Variants in EML1 observed in about 807,000 individuals in gnomAD.
EML1 encodes echinoderm microtubule-associated protein-like 1.
EML1 carries 27 observed loss-of-function variants against 110.4 expected under a neutral mutation model. The ratio of observed to expected loss-of-function variants is 0.24; its 90% CI spans 0.18 to 0.34. EML1 has a LOEUF of 0.34. Ranked by LOEUF, EML1 falls within the 10% of genes least tolerant of loss-of-function variation. The probability of loss-of-function intolerance (pLI) is 1.00; values close to 1 mark genes in which losing one functional copy is unlikely to be tolerated. For missense variants in EML1, 741 were observed against 1,030.9 expected, an observed-to-expected ratio of 0.72 and a Z score of 3.85; for synonymous variants, 344 against 385.8, an observed-to-expected ratio of 0.89 and a Z score of 1.27.
chr14:99,850,797 A>G, intron 1 of EML1, 56 bp from the exon 2 acceptor site: 2 of 1,576,202 alleles, frequency 1.3e-6, no homozygotes, highest in East Asian at 2.3e-5. Flanking sequence ...GAGTATGTTT[A>G]TAGATCTGAT....
At chr14:99,891,392 T>C (rs1182783598) in intron 5 of EML1, among the ~76,000 whole-genome samples, 165 bp downstream of exon 5, 2 of 152,290 alleles carry the variant, frequency 1.3e-5, no homozygotes, top group Middle Eastern at 3.4e-3. Context: ...ATGGCTCAGA[T>C]AGTGACAGCG....
At chr14:99,878,092 A>C (rs1270386470) in intron 3 of EML1, among the ~76,000 whole-genome samples, 3 of 151,998 alleles carry the variant, frequency 2.0e-5, no homozygotes, top group Admixed American at 2.0e-4. Context: ...CGTTAGCATT[A>C]GTATATTTTA....
At chr14:99,806,168 C>CTTT (rs1398319404) in intron 1 of EML1, among the ~76,000 whole-genome samples, 5 of 152,122 alleles carry the variant, frequency 3.3e-5, no homozygotes, top group Non-Finnish European at 5.9e-5. Flanking sequence ...CTAAAAGGTT[C>CTTT]AAAGCCCTGG....
At chr14:99,924,924 G>A (rs191396365) in intron 17 of EML1, among the ~76,000 whole-genome samples, 4 of 152,264 alleles carry the variant, frequency 2.6e-5, no homozygotes, top group African/African-American at 9.6e-5. Flanking sequence ...TCACATTCCT[G>A]TGGTAAATTC....
intron 3 of EML1, among the ~76,000 whole-genome samples, chr14:99,871,049 C>T (rs183842019): frequency 5.7e-4 from 86 of 152,192 alleles, no homozygotes; most frequent in African/African-American, 1.7e-3. Context: ...CTCCGCCTCC[C>T]GGGTTCAAGT....
At chr14:99,858,200 TTAGGC>T in intron 2 of EML1, among the ~76,000 whole-genome samples, 1 of 148,634 alleles carries the variant, frequency 6.7e-6, no homozygotes, top group African/African-American at 2.6e-5. Context: ...TTTTTTTTTT[TTAGGC>T]AGAGTTTTTG....
At chr14:99,907,343 C>A in intron 9 of EML1, 1 of 345,722 alleles carries the variant, frequency 2.9e-6, no homozygotes, top group South Asian at 4.6e-5. Context: ...TGGTACACAC[C>A]CGCGGTCCCA....
intron 16 of EML1, 123 bp downstream of exon 16, chr14:99,917,972 T>G: frequency 1.1e-6 from 1 of 913,422 alleles, no homozygotes; most frequent in Non-Finnish European, 1.7e-6. Flanking sequence ...TTCTAATGAC[T>G]TACCAAGAAT....
intron 4 of EML1, among the ~76,000 whole-genome samples, chr14:99,880,661 C>G (rs900057828): frequency 6.6e-6 from 1 of 152,202 alleles, no homozygotes; most frequent in Non-Finnish European, 1.5e-5. Context: ...AAAAATTGCC[C>G]TTGTTGGGTT....
chr14:99,809,439 AC>A (rs763781514), intron 1 of EML1: 1 of 329,256 alleles, frequency 3.0e-6, no homozygotes, highest in Non-Finnish European at 6.0e-6. Flanking sequence ...ATACTTACTC[AC>A]GCAATTTTCC....
rs2058372880 is a variant in EML1 at position 99,827,051 on chromosome 14, C to G, written c.68-23802C>G. Among the ~76,000 whole-genome samples the G allele has an allele frequency of 6.6e-6, 1 of 152,190 alleles. No homozygotes were observed. Among genetic ancestry groups the G allele is most frequent in the South Asian group, 2.1e-4 (1 of 4,820 alleles). On this transcript the variant is annotated intron_variant, in intron 1 of 21. Coordinates refer to ENST00000262233, the MANE Select transcript of EML1 (RefSeq NM_004434.3). The surrounding 1 kb of genome is among the most constrained non-coding windows in gnomAD (Gnocchi z 4.4). ...TGAATAAATACAGCAGTGCTGCAGGCAGTCCCAGGGAGCCAGTCACTGACT... is the reference window on the plus strand; with the variant it reads ...TGAATAAATACAGCAGTGCTGCAGGGAGTCCCAGGGAGCCAGTCACTGACT...
At position 99,851,057 on chromosome 14, in the gene EML1, G is replaced by A. The variant is rs557017314; in HGVS notation, c.250+22G>A. 2.1e-4 allele frequency: 343 copies of A among 1,598,802 alleles called. 1 individual carries two copies. In the South Asian group the frequency reaches 3.6e-3, roughly 17 times the overall value. ...AAAGGTGGGCGTTTGAGTGACACAG[G>A]AACTTCAGTAGAATTGGTCTCGTGG... On this transcript the variant is annotated intron_variant, in intron 2 of 21. Coordinates refer to ENST00000262233, the MANE Select transcript of EML1 (RefSeq NM_004434.3).
chr14:99,810,147 A>G (rs938056148), intron 1 of EML1, among the ~76,000 whole-genome samples: 1 of 152,112 alleles, frequency 6.6e-6, no homozygotes, highest in Non-Finnish European at 1.5e-5. Context: ...CCCTGGGGGA[A>G]CTGCAAGGCC....
chr14:99,850,525 G>A (rs978089600), intron 1 of EML1, among the ~76,000 whole-genome samples: 6 of 152,092 alleles, frequency 3.9e-5, no homozygotes, highest in South Asian at 2.1e-4. Flanking sequence ...TGAAGTGGAC[G>A]TATTCTAACA....
upstream of EML1, among the ~76,000 whole-genome samples, chr14:99,768,282 G>A (rs766913952): frequency 1.1e-4 from 16 of 152,332 alleles, no homozygotes; most frequent in African/African-American, 3.6e-4. Flanking sequence ...ATTCTTAGAC[G>A]TGACCCAGGG....
chr14:99,839,217 A>T (rs1304528910), intron 1 of EML1: 1 of 152,012 alleles, frequency 6.6e-6, no homozygotes, highest in Non-Finnish European at 1.5e-5. Context: ...TGTGTTCTGT[A>T]CTCACCTGTG....
chr14:99,867,026 A>G (rs2059114414), intron 3 of EML1, among the ~76,000 whole-genome samples: 1 of 152,076 alleles, frequency 6.6e-6, no homozygotes, highest in Admixed American at 6.6e-5. Flanking sequence ...TGATCCTGTT[A>G]CCCAGATAGT....
In EML1 at chr14:99,907,741, T is replaced by C. The variant is rs1204542338; in HGVS notation, c.1104+8T>C. 6.2e-7 allele frequency: 1 copy of C among 1,613,698 alleles called. No individual in the cohort carries two copies. The highest frequency in any genetic ancestry group is 8.5e-7 in the Non-Finnish European group (1 of 1,179,894). ...AAACTAGCAGATGTGAAGGTCATGC[T>C]CCAAGCCTTTTTTGGGCTGCATTAA... On this transcript the variant is annotated splice_region_variant and intron_variant, in intron 10 of 21. Coordinates refer to ENST00000262233, the MANE Select transcript of EML1 (RefSeq NM_004434.3).
intron 1 of EML1, chr14:99,849,985 G>A (rs559680446): frequency 1.8e-4 from 41 of 226,158 alleles, no homozygotes; most frequent in Non-Finnish European, 2.5e-4. Flanking sequence ...CTGGAGTGCA[G>A]TGGTGCAATC....
Sources: gnomAD v4.1 joint callset for allele counts (sites outside exome capture counted in the v4.1 genomes callset) on GRCh38, gnomAD v4.1.1 for gene constraint, Gnocchi (gnomAD v3.1) non-coding constraint, MANE v1.5 for transcripts, NCBI Gene and HGNC (gene_info 2026-07-23, HGNC 2026-07-21) for gene names.